The following PHRF1 variants were observed in gnomAD, a reference collection of about 807,000 sequenced individuals.
PHRF1 encodes PHD and ring finger domains 1.
In PHRF1, 53 loss-of-function variants were observed where a neutral mutation model predicts 128.9. The observed-to-expected ratio is 0.41, with a 90% CI of 0.33 to 0.52. The LOEUF is 0.52. Among genes scored for constraint, PHRF1 ranks in the 20% least tolerant of loss-of-function variants. The pLI is 0.21. For missense variants in PHRF1, 2,503 were observed against 2,284.5 expected (o/e 1.10, Z -1.95); for synonymous variants, 1,178 against 980.6 (o/e 1.20, Z -3.76).
At position 609,328 on chromosome 11, in the gene PHRF1, C is replaced by T. The variant is rs925145055; in HGVS notation, c.3872C>T (p.Ser1291Phe). The change falls in exon 14 of 18, where the codon TCT becomes TTT. Residue 1291 changes from serine (S) to phenylalanine (F), a missense_variant. By Grantham distance (155) the Ser-to-Phe change is radical. Coordinates refer to ENST00000264555, the MANE Select transcript of PHRF1 (RefSeq NM_001286581.2). ...IQLDDMSSPPSPESTDSSPER... is the reference protein window; with the variant it reads ...IQLDDMSSPPFPESTDSSPER... ...CTCGATGACATGAGCTCGCCACCTT[C>T]TCCCGAAAGCACAGACTCTTCCCCG... The T allele has an allele frequency of 1.2e-6, 2 of 1,612,434 alleles. No individual in the cohort carries two copies. Among genetic ancestry groups the T allele is most frequent in the Admixed American group, 3.3e-5 (2 of 60,002 alleles).
intron 3 of PHRF1, 73 bp downstream of exon 3, chr11:582,154 TC>T: frequency 6.5e-7 from 1 of 1,543,900 alleles, no homozygotes; most frequent in Admixed American, 2.0e-5. Context: ...TTATAACACA[TC>T]CTCCGTGAGA....
At chr11:585,688 T>G (rs1854507416) in intron 3 of PHRF1, among the ~76,000 whole-genome samples, 1 of 144,422 alleles carries the variant, frequency 6.9e-6, no homozygotes. Context: ...CTCTTTTTTT[T>G]TTTTTTTTTT....
intron 9 of PHRF1, 57 bp downstream of exon 9, chr11:598,559 G>A (rs1305190524): frequency 1.3e-6 from 2 of 1,554,762 alleles, no homozygotes; most frequent in African/African-American, 2.7e-5. Context: ...CACGCCCGAG[G>A]TCCACTCACT....
chr11:607,883 G>A lies in PHRF1; in HGVS notation c.2427G>A (p.Arg809=), dbSNP rs1856052408. ...GGCCTGTGGACGATAAGGAGCAGAG[G>A]AAGGAGAACCCCTCACCCCTCTTCT... The part of the protein sequence containing the change: ...TFRPVDDKEQ[R]KENPSPLFSI... Residue 809 remains arginine, a synonymous_variant, in exon 14 of 18, where the codon AGG becomes AGA. Transcript: ENST00000264555. 1 of 1,612,764 alleles carries A rather than the reference G, an allele frequency of 6.2e-7. No individual in the cohort carries two copies. Among genetic ancestry groups the A allele is most frequent in the Non-Finnish European group, 8.5e-7 (1 of 1,179,888 alleles).
Position 609,160 on chromosome 11 carries a change from C to T in PHRF1, c.3704C>T (p.Ala1235Val), listed in dbSNP as rs1168346288. Reference sequence around the variant, plus strand: ...CATGTCTCGCCGGAGGTGGCTACGGCCGACAAGGCCCCCCTGCAGGCTCCC... The same window carrying T: ...CATGTCTCGCCGGAGGTGGCTACGGTCGACAAGGCCCCCCTGCAGGCTCCC... Reference protein sequence around the residue: ...EAHVSPEVATADKAPLQAPPV... With the variant: ...EAHVSPEVATVDKAPLQAPPV... The change falls in exon 14 of 18, where the codon GCC (alanine) becomes GTC (valine). Residue 1235 changes from alanine to valine, a missense_variant. By Grantham distance (64) the Ala-to-Val change is moderately conservative. Transcript: ENST00000264555. 4 of 1,605,992 alleles carry T rather than the reference C, an allele frequency of 2.5e-6. No individual in the cohort carries two copies. In the South Asian group the frequency reaches 3.3e-5, roughly 13 times the overall value.
Position 597,104 on chromosome 11 carries a change from G to T in PHRF1, c.718+84G>T, listed in dbSNP as rs1001772637. On this transcript the variant is annotated intron_variant, in intron 7 of 17. Coordinates refer to ENST00000264555, the MANE Select transcript of PHRF1 (RefSeq NM_001286581.2). This position sits in a 1 kb window ranked among gnomAD's most constrained non-coding sequence, Gnocchi z 6.5. ...GTCCCCGGGGTTAGGTTTGGCTGCTGTGTGGGGAGGACATCTAGGGCTGTC... is the reference window on the plus strand; with the variant it reads ...GTCCCCGGGGTTAGGTTTGGCTGCTTTGTGGGGAGGACATCTAGGGCTGTC... 3.7e-5 allele frequency: 52 copies of T among 1,392,358 alleles called. No individual in the cohort carries two copies. Among genetic ancestry groups the T allele is most frequent in the Non-Finnish European group, 5.0e-5 (50 of 1,005,940 alleles). 86.3% of individuals were successfully genotyped at this position (1,392,358 alleles called of 1,614,324 possible).
chr11:605,759 G>A, intron 12 of PHRF1, 35 bp downstream of exon 12: 2 of 1,580,586 alleles, frequency 1.3e-6, no homozygotes, highest in Non-Finnish European at 1.7e-6. Context: ...GGAGGTGGGG[G>A]CAGCAGTTGG....
rs942730489 is a variant in PHRF1, at chr11:597,088, G to T, written c.718+68G>T. 8 of 1,508,684 alleles carry T rather than the reference G, an allele frequency of 5.3e-6. No homozygotes were observed. The African/African-American group carries it at 6.9e-5, about 13-fold the overall frequency. The allele number at this position is 1,508,684 out of a possible 1,614,324, so 93.5% of individuals were successfully genotyped here. On this transcript the variant is annotated intron_variant, in intron 7 of 17. Coordinates refer to ENST00000264555, the MANE Select transcript of PHRF1 (RefSeq NM_001286581.2). This position sits in a 1 kb window ranked among gnomAD's most constrained non-coding sequence, Gnocchi z 6.5. ...CACTGTCCACTCTGCGGTCCCCGGGGTTAGGTTTGGCTGCTGTGTGGGGAG... is the reference window on the plus strand; with the variant it reads ...CACTGTCCACTCTGCGGTCCCCGGGTTTAGGTTTGGCTGCTGTGTGGGGAG...
Position 609,266 on chromosome 11 carries a change from C to G in PHRF1, c.3810C>G (p.Val1270=), listed in dbSNP as rs778764882. Residue 1270 remains valine, a synonymous_variant, in exon 14 of 18, where the codon GTC becomes GTG. Coordinates refer to ENST00000264555, the MANE Select transcript of PHRF1 (RefSeq NM_001286581.2). Reference sequence around the variant, plus strand: ...GCGACTCCGTGGAGGCCGGACACGTCTTTGATGATTTCTCAAGCGACGCCG... The same window carrying G: ...GCGACTCCGTGGAGGCCGGACACGTGTTTGATGATTTCTCAAGCGACGCCG... The part of the protein sequence containing the change: ...DYGDSVEAGH[V]FDDFSSDAVF... 2 of 1,612,238 alleles carry G rather than the reference C, an allele frequency of 1.2e-6. No homozygotes were observed. The highest frequency in any genetic ancestry group is 3.3e-5 in the Admixed American group (2 of 60,022).
intron 12 of PHRF1, 98 bp from the exon 13 acceptor site, chr11:606,344 A>T (rs1318820701): frequency 4.2e-6 from 6 of 1,412,936 alleles, no homozygotes; most frequent in East Asian, 2.6e-5. Context: ...GCCCAGCCCC[A>T]CTCTCCCTGG....
chr11:592,621 C>T lies in PHRF1; in HGVS notation c.567C>T (p.Cys189=), dbSNP rs778992989. Residue 189 remains cysteine, a synonymous_variant, in exon 6 of 18, where the codon TGC becomes TGT. Coordinates refer to ENST00000264555, the MANE Select transcript of PHRF1 (RefSeq NM_001286581.2). ...AGGACCCGACCTTCTGTGAGGTGTG[C>T]GGCAGGAGCGACCGTGAGGACAGGC... ...EEEDPTFCEV[C]GRSDREDRLL... is the part of the protein sequence containing the mutation. 9.9e-6 allele frequency: 16 copies of T among 1,613,918 alleles called. No homozygotes were observed. The highest frequency in any genetic ancestry group is 2.2e-5 in the South Asian group (2 of 91,092).
chr11:599,808 A>C (rs1855522462), intron 9 of PHRF1, among the ~76,000 whole-genome samples: 1 of 150,728 alleles, frequency 6.6e-6, no homozygotes, highest in Admixed American at 6.6e-5. Context: ...GGTCTGGTGC[A>C]GGGTCCTGGG....
Position 608,785 on chromosome 11 carries a change from A to G in PHRF1, c.3329A>G (p.Lys1110Arg). The G allele has an allele frequency of 6.2e-7, 1 of 1,611,950 alleles. No homozygotes were observed. Among genetic ancestry groups the G allele is most frequent in the Non-Finnish European group, 8.5e-7 (1 of 1,179,712 alleles). The change falls in exon 14 of 18, where the codon AAG becomes AGG. Residue 1110 changes from lysine to arginine, a missense_variant. Transcript: ENST00000264555. ...SYEHYESRKKKKRRSASRPRG... is the reference protein window; with the variant it reads ...SYEHYESRKKRKRRSASRPRG... ...GAGCACTATGAGAGTAGGAAGAAGA[A>G]GAAAAGGAGATCAGCGTCCAGACCT... is the stretch of plus-strand genomic sequence containing the variant.
intron 4 of PHRF1, among the ~76,000 whole-genome samples, chr11:589,612 G>A (rs987354060): frequency 6.6e-6 from 1 of 152,238 alleles, no homozygotes; most frequent in African/African-American, 2.4e-5. Context: ...GGTCAGCTGG[G>A]GGCTGCTCAC....
chr11:608,742 C>T lies in PHRF1; in HGVS notation c.3286C>T (p.Pro1096Ser), dbSNP rs1299069616. The T allele has an allele frequency of 1.2e-6, 2 of 1,611,352 alleles. No individual in the cohort carries two copies. The highest frequency in any genetic ancestry group is 4.5e-5 in the East Asian group (2 of 44,862). ...RRTSRSRSGS[P>S]GSSSYEHYES... ...GACGTCCCGGTCGCGGTCGGGGAGC[C>T]CTGGCAGCTCTTCCTATGAGCACTA... The change falls in exon 14 of 18, where the codon CCT (proline) becomes TCT (serine). Residue 1096 changes from proline to serine, a missense_variant. Pro to Ser is a moderately conservative substitution (Grantham distance 74, BLOSUM62 -1). Coordinates refer to ENST00000264555, the MANE Select transcript of PHRF1 (RefSeq NM_001286581.2).
At position 610,267 on chromosome 11, in the gene PHRF1, G is replaced by T. The variant is rs773919536; in HGVS notation, c.4336G>T (p.Val1446Phe). ...CATGGAGGATGTGGCCCCCACAGGG[G>T]TCAGGCAGGTGTTCTCCGAGCTGCC... Reference protein sequence around the residue: ...WDMEDVAPTGVRQVFSELPFP... With the variant: ...WDMEDVAPTGFRQVFSELPFP... Residue 1446 changes from valine (V) to phenylalanine (F), a missense_variant, in exon 15 of 18, where the codon GTC (valine) becomes TTC (phenylalanine). Physicochemically the swap from Val to Phe is conservative, Grantham distance 50. Transcript: ENST00000264555. 2 of 1,557,084 alleles carry T rather than the reference G, an allele frequency of 1.3e-6. No homozygotes were observed. The highest frequency in any genetic ancestry group is 8.7e-7 in the Non-Finnish European group (1 of 1,150,550).
At chr11:593,833 A>C (rs1477738724) in intron 6 of PHRF1, among the ~76,000 whole-genome samples, 2 of 152,124 alleles carry the variant, frequency 1.3e-5, no homozygotes, top group African/African-American at 4.8e-5. Flanking sequence ...TCACATTCGC[A>C]GACACCTCGC....
At chr11:583,716 G>A (rs1854355622) in intron 3 of PHRF1, among the ~76,000 whole-genome samples, 1 of 148,762 alleles carries the variant, frequency 6.7e-6, no homozygotes, top group Non-Finnish European at 1.5e-5. Context: ...CTGGGTGTTG[G>A]AGCGAGACGT....
At chr11:599,377 A>G (rs1855501100) in intron 9 of PHRF1, among the ~76,000 whole-genome samples, 1 of 149,930 alleles carries the variant, frequency 6.7e-6, no homozygotes, top group Non-Finnish European at 1.5e-5. Flanking sequence ...CAGCCTCCCA[A>G]GTAGCTGGAA....
Sources: gnomAD v4.1 joint callset for allele counts (sites outside exome capture counted in the v4.1 genomes callset) on GRCh38, gnomAD v4.1.1 for gene constraint, Gnocchi (gnomAD v3.1) non-coding constraint, MANE v1.5 for transcripts, NCBI Gene and HGNC (gene_info 2026-07-23, HGNC 2026-07-21) for gene names.